Variants in PDIA5 observed in about 807,000 individuals in gnomAD.
PDIA5 encodes protein disulfide-isomerase A5.
Under a neutral mutation model 77.6 loss-of-function variants are expected in PDIA5, and 58 were observed. The observed-to-expected ratio is 0.75, with a 90% confidence interval of 0.61 to 0.93. The LOEUF is 0.93. PDIA5 is among the 40% of genes least tolerant of loss of function. The pLI, the probability that PDIA5 is intolerant of heterozygous loss-of-function variation, is 0.00. For missense variants in PDIA5, 630 were observed against 647.7 expected (o/e 0.97, Z 0.30); for synonymous variants, 250 against 252.1 (o/e 0.99, Z 0.08).
chr3:123,145,289 G>C (rs997755421), intron 11 of PDIA5: 1 of 536,184 alleles, frequency 1.9e-6, no homozygotes, highest in South Asian at 2.4e-5. Context: ...TGGCACACCA[G>C]TTGCCCGTAT....
At chr3:123,120,582 C>T (rs752270539) in intron 8 of PDIA5, among the ~76,000 whole-genome samples, 3 of 152,198 alleles carry the variant, frequency 2.0e-5, no homozygotes, top group Non-Finnish European at 4.4e-5. Context: ...TTCCAGTGAC[C>T]ACATCTCTGT....
chr3:123,139,089 T>G (rs888312738), intron 11 of PDIA5, among the ~76,000 whole-genome samples: 7 of 152,192 alleles, frequency 4.6e-5, no homozygotes, highest in Non-Finnish European at 8.8e-5. Context: ...CAGACCTCTA[T>G]GCCAGATCAC....
At chr3:123,078,504 T>C (rs545401634) in intron 1 of PDIA5, among the ~76,000 whole-genome samples, 2 of 152,336 alleles carry the variant, frequency 1.3e-5, no homozygotes, top group Non-Finnish European at 2.9e-5. Context: ...TTATATGCCC[T>C]TTATCTCAAT....
chr3:123,116,358 G>T, intron 8 of PDIA5, 60 bp downstream of exon 8: 3 of 1,350,924 alleles, frequency 2.2e-6, no homozygotes, highest in Non-Finnish European at 3.2e-6. Context: ...CGGAGGAAGG[G>T]TGCCAGGGGT....
chr3:123,160,445 A>G (rs939348551), intron 15 of PDIA5, among the ~76,000 whole-genome samples: 2 of 139,086 alleles, frequency 1.4e-5, no homozygotes, highest in African/African-American at 5.3e-5. Flanking sequence ...GGCTTTACTC[A>G]TGCGGGGCTC....
intron 7 of PDIA5, among the ~76,000 whole-genome samples, chr3:123,115,738 A>G (rs774790200): frequency 4.6e-5 from 7 of 152,250 alleles, no homozygotes; most frequent in Non-Finnish European, 7.3e-5. Context: ...TGTTAATGAA[A>G]GAGAAAGGAG....
chr3:123,153,358 A>G (rs2673342), intron 14 of PDIA5, among the ~76,000 whole-genome samples: 72,584 of 152,096 alleles, frequency 0.48, 17,374 homozygotes, highest in South Asian at 0.53. Flanking sequence ...TGTCTGTGAC[A>G]TACCTTGTTA....
intron 10 of PDIA5, among the ~76,000 whole-genome samples, chr3:123,125,567 G>A (rs1576454180): frequency 6.6e-6 from 1 of 152,252 alleles, no homozygotes; most frequent in South Asian, 2.1e-4. Context: ...GGAACACAGT[G>A]TGCAAACCCC....
At chr3:123,087,271 G>C (rs1017629871) in intron 1 of PDIA5, among the ~76,000 whole-genome samples, 5 of 152,064 alleles carry the variant, frequency 3.3e-5, no homozygotes, top group African/African-American at 1.2e-4. Context: ...GCCTCAGCCT[G>C]CTAAGTAGTT....
chr3:123,125,190 G>GT lies in PDIA5; in HGVS notation c.773+850dup, dbSNP rs779288648. 7.2e-5 allele frequency among the ~76,000 whole-genome samples: 11 copies of GT among 152,304 alleles called. No homozygotes were observed. The Middle Eastern group carries it at 0.017, about 235-fold the overall frequency. On this transcript the variant is annotated intron_variant, in intron 10 of 16. Transcript: ENST00000316218. ...TCAGGCTGCGCTCTGTGTGTCACGA[G>GT]TTTGGCACTTACCAGCCACTGCTGC... is the stretch of plus-strand genomic sequence containing the variant.
chr3:123,148,855 C>T (rs751299776), intron 13 of PDIA5, among the ~76,000 whole-genome samples: 5 of 152,168 alleles, frequency 3.3e-5, no homozygotes, highest in African/African-American at 7.2e-5. Context: ...GCCGATGGCT[C>T]GGGGGTGGAG....
At position 123,143,351 on chromosome 3, in the gene PDIA5, T is replaced by C. The variant is rs566105201; in HGVS notation, c.911-2171T>C. ...AGTGAGCTGACATCGTGTGCCACTGTACTCCAGCCTGGGTGACAGAGCGAG... is the reference window on the plus strand; with the variant it reads ...AGTGAGCTGACATCGTGTGCCACTGCACTCCAGCCTGGGTGACAGAGCGAG... On this transcript the variant is annotated intron_variant, in intron 11 of 16. Coordinates refer to ENST00000316218, the MANE Select transcript of PDIA5 (RefSeq NM_006810.4). Among the ~76,000 whole-genome samples the C allele has an allele frequency of 4.4e-4, 63 of 142,488 alleles. No individual in the cohort carries two copies. In the South Asian group the frequency reaches 0.013, roughly 30 times the overall value. 93.5% of individuals were successfully genotyped at this position (142,488 alleles called of 152,430 possible). A position where few individuals can be genotyped will look rare whatever the true frequency, so the allele number is the denominator to read the frequency against.
At chr3:123,154,385 G>A (rs1935973906) in intron 14 of PDIA5, among the ~76,000 whole-genome samples, 1 of 152,148 alleles carries the variant, frequency 6.6e-6, no homozygotes, top group African/African-American at 2.4e-5. Context: ...GGTTATTGTA[G>A]AGCAAAGAGT....
At chr3:123,136,862 T>C (rs1027877105) in intron 11 of PDIA5, among the ~76,000 whole-genome samples, 1 of 152,198 alleles carries the variant, frequency 6.6e-6, no homozygotes. Flanking sequence ...TATTTTCATG[T>C]AAATGTAGAT....
chr3:123,155,198 A>G (rs1357465134), intron 15 of PDIA5, among the ~76,000 whole-genome samples, 157 bp downstream of exon 15: 1 of 152,212 alleles, frequency 6.6e-6, no homozygotes, highest in Admixed American at 6.5e-5. Context: ...GAAGGAAGAT[A>G]GGGCAGGCTG....
intron 3 of PDIA5, among the ~76,000 whole-genome samples, chr3:123,099,057 G>GCACACACACA (rs34705320): frequency 6.6e-6 from 1 of 150,950 alleles, no homozygotes; most frequent in African/African-American, 2.4e-5. Flanking sequence ...ACATGCTTGC[G>GCACACACACA]CACACACACA....
At chr3:123,128,072 C>G (rs1002761124) in intron 10 of PDIA5, among the ~76,000 whole-genome samples, 3 of 152,172 alleles carry the variant, frequency 2.0e-5, no homozygotes, top group Non-Finnish European at 2.9e-5. Context: ...TTCTCCAGTC[C>G]TCTCCCAAAA....
chr3:123,138,326 A>G (rs569308851), intron 11 of PDIA5, among the ~76,000 whole-genome samples: 4 of 152,210 alleles, frequency 2.6e-5, no homozygotes, highest in African/African-American at 9.6e-5. Context: ...AGGTATTTTC[A>G]TATGTTATTA....
intron 1 of PDIA5, among the ~76,000 whole-genome samples, chr3:123,080,336 C>T (rs575685480): frequency 5.9e-5 from 9 of 152,126 alleles, no homozygotes; most frequent in East Asian, 5.8e-4. Flanking sequence ...AGGCTGGAGA[C>T]GGTATGTGAG....
Sources: allele counts gnomAD v4.1 joint callset (sites outside exome capture counted in the v4.1 genomes callset), GRCh38; gene constraint gnomAD v4.1.1; transcripts MANE v1.5; gene names NCBI Gene and HGNC (gene_info 2026-07-23, HGNC 2026-07-21).